The following WIF1 variants were observed in gnomAD, a reference collection of about 807,000 sequenced individuals.
WIF1 encodes the protein Wnt inhibitory factor 1.
A neutral mutation model predicts 53.5 loss-of-function variants in WIF1; 35 were observed. The ratio of observed to expected loss-of-function variants is 0.65; its 90% CI spans 0.50 to 0.87. WIF1 has a LOEUF of 0.87. WIF1 is among the 40% of genes least tolerant of loss of function. The pLI, the probability that WIF1 is intolerant of heterozygous loss-of-function variation, is 0.00. For synonymous variants in WIF1, 171 were observed against 170.4 expected (o/e 1.00, Z -0.03); for missense variants, 467 against 476.8 (o/e 0.98, Z 0.19).
chr12:65,094,901 C>A (rs916524970), intron 2 of WIF1, among the ~76,000 whole-genome samples: 1 of 134,256 alleles, frequency 7.4e-6, no homozygotes, highest in Non-Finnish European at 1.6e-5. Flanking sequence ...TCCTCTTCTT[C>A]TTATTTATTT....
intron 2 of WIF1, among the ~76,000 whole-genome samples, chr12:65,088,246 G>C (rs1565755918): frequency 6.6e-6 from 1 of 152,048 alleles, no homozygotes; most frequent in African/African-American, 2.4e-5. Flanking sequence ...TTTTCCCCCA[G>C]GTATGCTGTC....
At chr12:65,077,413 G>A (rs946548467) in intron 3 of WIF1, among the ~76,000 whole-genome samples, 9 of 151,816 alleles carry the variant, frequency 5.9e-5, no homozygotes, top group African/African-American at 2.2e-4. Context: ...CCACATTTTT[G>A]TGTATCTCAT....
At chr12:65,096,932 T>C (rs547501343) in intron 2 of WIF1, among the ~76,000 whole-genome samples, 3 of 150,976 alleles carry the variant, frequency 2.0e-5, no homozygotes, top group African/African-American at 7.3e-5. Context: ...AAAACCTAGA[T>C]GACGGGTTGA....
intron 2 of WIF1, among the ~76,000 whole-genome samples, chr12:65,106,514 C>T (rs1883355180): frequency 2.6e-5 from 4 of 152,014 alleles, no homozygotes; most frequent in Admixed American, 2.6e-4. Flanking sequence ...CAGGTGCTCG[C>T]CACCACGCCT....
rs10584146 is a variant in WIF1 at position 65,056,366 on chromosome 12, C to CTTTTTTTTT, written c.827-249_827-241dup. ...GTTGCCAAAATGCTGCATTTATATC[C>CTTTTTTTTT]TTTTTTTTTTTTTTTTTTTTTTTTT... On this transcript the variant is annotated intron_variant, in intron 7 of 9. Coordinates refer to ENST00000286574, the MANE Select transcript of WIF1 (RefSeq NM_007191.5). Among the ~76,000 whole-genome samples, 4 of 24,264 alleles carry CTTTTTTTTT rather than the reference C, an allele frequency of 1.6e-4. 1 individual carries two copies. Among genetic ancestry groups the CTTTTTTTTT allele is most frequent in the African/African-American group, 4.2e-4 (3 of 7,162 alleles). 15.9% of individuals were successfully genotyped at this position (24,264 alleles called of 152,430 possible). A position where few individuals can be genotyped will look rare whatever the true frequency, so the allele number is the denominator to read the frequency against.
intron 2 of WIF1, among the ~76,000 whole-genome samples, chr12:65,101,392 A>G (rs957432814): frequency 2.1e-4 from 32 of 152,316 alleles, no homozygotes; most frequent in African/African-American, 6.3e-4. Flanking sequence ...AATATTAGTA[A>G]TATAGCTGTT....
chr12:65,111,113 T>C (rs796324208), intron 2 of WIF1, among the ~76,000 whole-genome samples: 16 of 152,308 alleles, frequency 1.1e-4, no homozygotes, highest in African/African-American at 3.6e-4. Context: ...GCCAAGTCAG[T>C]GAAGCAGAGC....
chr12:65,052,608 C>G (rs1254893981), intron 9 of WIF1, among the ~76,000 whole-genome samples: 1 of 152,182 alleles, frequency 6.6e-6, no homozygotes, highest in Non-Finnish European at 1.5e-5. Flanking sequence ...TCAAAATAAA[C>G]CCCCTTCTTT....
At chr12:65,083,732 T>G in intron 2 of WIF1, 2 of 333,240 alleles carry the variant, frequency 6.0e-6, no homozygotes, top group East Asian at 9.7e-5. Context: ...CCCACTTGAT[T>G]TCTCTTTTCT....
chr12:65,120,294 G>A, intron 2 of WIF1, 123 bp downstream of exon 2: 1 of 1,002,022 alleles, frequency 1.0e-6, no homozygotes, highest in Non-Finnish European at 1.4e-6. Context: ...TATTTGCTTT[G>A]GCAATCAGAT....
At chr12:65,099,874 G>A (rs1883254600) in intron 2 of WIF1, among the ~76,000 whole-genome samples, 2 of 152,042 alleles carry the variant, frequency 1.3e-5, no homozygotes, top group Non-Finnish European at 1.5e-5. Flanking sequence ...AAGTTTTGAC[G>A]TTGATCTACT....
chr12:65,105,496 C>T (rs1335911692), intron 2 of WIF1, among the ~76,000 whole-genome samples: 1 of 152,216 alleles, frequency 6.6e-6, no homozygotes, highest in Non-Finnish European at 1.5e-5. Flanking sequence ...GGGCATGGCA[C>T]TAGCATCTGC....
intron 9 of WIF1, among the ~76,000 whole-genome samples, chr12:65,052,607 ACC>A (rs1233428953): frequency 6.6e-6 from 1 of 151,792 alleles, no homozygotes; most frequent in Non-Finnish European, 1.5e-5. Context: ...GTCAAAATAA[ACC>A]CCCTTCTTTC....
chr12:65,113,804 G>A (rs919307623), intron 2 of WIF1, among the ~76,000 whole-genome samples: 4 of 152,126 alleles, frequency 2.6e-5, no homozygotes, highest in African/African-American at 9.7e-5. Context: ...GTTGAAAGCT[G>A]TGCTTTTGAT....
intron 2 of WIF1, among the ~76,000 whole-genome samples, chr12:65,109,160 C>T (rs548016116): frequency 5.9e-5 from 9 of 152,268 alleles, no homozygotes; most frequent in Admixed American, 2.0e-4. Flanking sequence ...ATGGGTTATT[C>T]GTTATACTTA....
chr12:65,079,635 A>C (rs1190578071), intron 2 of WIF1, among the ~76,000 whole-genome samples: 1 of 151,804 alleles, frequency 6.6e-6, no homozygotes, highest in East Asian at 1.9e-4. Flanking sequence ...CAAAAAAAAA[A>C]AAAAAAAGCG....
At chr12:65,069,472 C>G (rs923523960) in intron 3 of WIF1, among the ~76,000 whole-genome samples, 1 of 152,086 alleles carries the variant, frequency 6.6e-6, no homozygotes, top group Admixed American at 6.6e-5. Flanking sequence ...AAATATTTTA[C>G]GACTCAGACT....
At chr12:65,091,978 A>G (rs954739058) in intron 2 of WIF1, among the ~76,000 whole-genome samples, 3 of 152,180 alleles carry the variant, frequency 2.0e-5, no homozygotes, top group African/African-American at 7.2e-5. Flanking sequence ...GGAGACACAT[A>G]ATTTTTAAAG....
At chr12:65,079,118 T>A (rs1343316734) in intron 2 of WIF1, among the ~76,000 whole-genome samples, 1 of 124,118 alleles carries the variant, frequency 8.1e-6, no homozygotes, top group Admixed American at 1.1e-4. Flanking sequence ...TGAGCCAAGA[T>A]AGCACCATTG....
Sources: allele counts gnomAD v4.1 joint callset (sites outside exome capture counted in the v4.1 genomes callset), GRCh38; gene constraint gnomAD v4.1.1; transcripts MANE v1.5; gene names NCBI Gene and HGNC (gene_info 2026-07-23, HGNC 2026-07-21).